The following ACBD6 variants were observed in gnomAD, a reference collection of about 807,000 sequenced individuals.
ACBD6 encodes acyl-CoA-binding domain-containing protein 6.
Under a neutral mutation model 37.2 loss-of-function variants are expected in ACBD6, and 28 were observed. That is an observed-to-expected ratio of 0.75 (90% confidence interval 0.56 to 1.03). The LOEUF is 1.03. ACBD6 is among the 50% of genes least tolerant of loss of function. The pLI, the probability that ACBD6 is intolerant of heterozygous loss-of-function variation, is 0.00. For missense variants in ACBD6, 340 were observed against 337.4 expected (o/e 1.01, Z -0.06); for synonymous variants, 113 against 126.8 (o/e 0.89, Z 0.73).
intron 3 of ACBD6, among the ~76,000 whole-genome samples, chr1:180,438,985 ACT>A (rs1354071174): frequency 6.6e-6 from 1 of 151,634 alleles, no homozygotes; most frequent in African/African-American, 2.4e-5. Context: ...GCTTTGTTTT[ACT>A]CTTTCCAGAA....
intron 5 of ACBD6, among the ~76,000 whole-genome samples, chr1:180,413,041 C>T (rs1437912013): frequency 2.0e-5 from 3 of 152,034 alleles, no homozygotes; most frequent in Admixed American, 6.6e-5. Flanking sequence ...ACGGAAGACA[C>T]GAAAGCTATG....
chr1:180,320,610 G>T (rs1189430252), intron 6 of ACBD6, among the ~76,000 whole-genome samples: 1 of 152,156 alleles, frequency 6.6e-6, no homozygotes, highest in Non-Finnish European at 1.5e-5. Flanking sequence ...CTGCACTCCA[G>T]CCTGGGTGAC....
chr1:180,417,528 C>A (rs1203004939), intron 4 of ACBD6, among the ~76,000 whole-genome samples: 3 of 152,160 alleles, frequency 2.0e-5, no homozygotes, highest in Non-Finnish European at 4.4e-5. Flanking sequence ...AATCATTTAA[C>A]TATTAATCTG....
chr1:180,333,764 G>A (rs139956136), intron 6 of ACBD6, among the ~76,000 whole-genome samples: 13 of 152,304 alleles, frequency 8.5e-5, no homozygotes, highest in African/African-American at 3.1e-4. Flanking sequence ...CCCTTTCCTA[G>A]TCAAAAGAAA....
chr1:180,375,914 C>T (rs750422637), intron 6 of ACBD6, among the ~76,000 whole-genome samples: 4 of 151,720 alleles, frequency 2.6e-5, no homozygotes, highest in African/African-American at 4.8e-5. Context: ...CAAAAATGGG[C>T]GAAAATATCT....
chr1:180,376,350 T>C (rs1346099103), intron 6 of ACBD6, among the ~76,000 whole-genome samples: 1 of 152,172 alleles, frequency 6.6e-6, no homozygotes, highest in East Asian at 1.9e-4. Flanking sequence ...AAGGTACACC[T>C]CCAACAACAT....
Position 180,313,033 on chromosome 1 carries a change from G to GT in ACBD6, c.694+1658dup, listed in dbSNP as rs750873684. On this transcript the variant is annotated intron_variant, in intron 7 of 7. Coordinates refer to ENST00000367595, the MANE Select transcript of ACBD6 (RefSeq NM_032360.4). Reference sequence around the variant, plus strand: ...TTTCTGCATTTGATTTGATCATACAGTTTTTTTACCTAATTTGCTGATGTG... The same window carrying GT: ...TTTCTGCATTTGATTTGATCATACAGTTTTTTTTACCTAATTTGCTGATGTG... Among the ~76,000 whole-genome samples the GT allele has an allele frequency of 1.7e-3, 264 of 152,232 alleles. 1 individual carries two copies. The highest frequency in any genetic ancestry group is 2.5e-3 in the Non-Finnish European group (170 of 68,002).
At chr1:180,366,263 A>G (rs1389705649) in intron 6 of ACBD6, among the ~76,000 whole-genome samples, 1 of 152,214 alleles carries the variant, frequency 6.6e-6, no homozygotes, top group Non-Finnish European at 1.5e-5. Context: ...AAAGAATTAC[A>G]GAATTAATTC....
intron 4 of ACBD6, among the ~76,000 whole-genome samples, chr1:180,429,418 G>C (rs1342820290): frequency 1.3e-5 from 2 of 152,148 alleles, no homozygotes; most frequent in African/African-American, 4.8e-5. Context: ...GTTCATACAT[G>C]TTGCAACAGC....
intron 3 of ACBD6, among the ~76,000 whole-genome samples, chr1:180,478,433 G>A (rs1220669527): frequency 6.6e-6 from 1 of 151,224 alleles, no homozygotes; most frequent in Non-Finnish European, 1.5e-5. Flanking sequence ...CCTAGACAAG[G>A]AATTTTGGAC....
At chr1:180,421,314 A>G (rs575042052) in intron 4 of ACBD6, among the ~76,000 whole-genome samples, 2 of 151,322 alleles carry the variant, frequency 1.3e-5, no homozygotes, top group South Asian at 4.2e-4. Flanking sequence ...TTGGCTTCCA[A>G]CTCCATCCAT....
At chr1:180,446,913 T>G (rs1161250653) in intron 3 of ACBD6, among the ~76,000 whole-genome samples, 1 of 152,046 alleles carries the variant, frequency 6.6e-6, no homozygotes, top group African/African-American at 2.4e-5. Flanking sequence ...TGGTGGTGCA[T>G]ATCTGTAATC....
intron 3 of ACBD6, among the ~76,000 whole-genome samples, chr1:180,453,457 G>C (rs569636553): frequency 3.9e-5 from 6 of 152,176 alleles, no homozygotes; most frequent in Non-Finnish European, 7.3e-5. Flanking sequence ...ATGGGCAAAA[G>C]CTAGAAGCAT....
At chr1:180,380,215 C>T (rs1376530340) in intron 6 of ACBD6, among the ~76,000 whole-genome samples, 1 of 152,148 alleles carries the variant, frequency 6.6e-6, no homozygotes. Context: ...GAGCCATTAT[C>T]ATGCTACTGG....
At position 180,492,371 on chromosome 1, in the gene ACBD6, A is replaced by T; in HGVS notation, c.288-6T>A. The T allele has an allele frequency of 6.2e-7, 1 of 1,611,466 alleles. No homozygotes were observed. Among genetic ancestry groups the T allele is most frequent in the Non-Finnish European group, 8.5e-7 (1 of 1,177,632 alleles). Reference sequence around the variant, plus strand: ...CAAGTGCTTTCCAAGCTTCCCTACAATATGGAATATCCAAAATGGCCTGTC... The same window carrying T: ...CAAGTGCTTTCCAAGCTTCCCTACATTATGGAATATCCAAAATGGCCTGTC... On this transcript the variant is annotated splice_polypyrimidine_tract_variant and splice_region_variant and intron_variant, in intron 2 of 7. Transcript: ENST00000367595.
At position 180,330,714 on chromosome 1, in the gene ACBD6, G is replaced by A. The variant is rs548801678; in HGVS notation, c.664-15992C>T. On this transcript the variant is annotated intron_variant, in intron 6 of 7. Coordinates refer to ENST00000367595, the MANE Select transcript of ACBD6 (RefSeq NM_032360.4). ...TACATCTACACAGATGTTCTTAAGA[G>A]CAAGTTTGCTTTGGGAACTGCAGCT... 2.6e-5 allele frequency among the ~76,000 whole-genome samples: 4 copies of A among 152,298 alleles called. No individual in the cohort carries two copies. In the South Asian group the frequency reaches 8.3e-4, roughly 32 times the overall value.
chr1:180,371,420 CAG>C (rs1364884685), intron 6 of ACBD6, among the ~76,000 whole-genome samples: 1 of 152,132 alleles, frequency 6.6e-6, no homozygotes, highest in African/African-American at 2.4e-5. Context: ...CAGGTAGATA[CAG>C]AGTTTAGAAT....
At chr1:180,402,116 C>T (rs1232987806) in intron 5 of ACBD6, among the ~76,000 whole-genome samples, 1 of 152,122 alleles carries the variant, frequency 6.6e-6, no homozygotes, top group African/African-American at 2.4e-5. Flanking sequence ...CTACCAACAA[C>T]CTGTAATGTC....
intron 8 of ACBD6, among the ~76,000 whole-genome samples, chr1:180,282,429 G>A (rs1236312133): frequency 6.6e-6 from 1 of 152,146 alleles, no homozygotes; most frequent in African/African-American, 2.4e-5. Context: ...CCATTAAAAT[G>A]GTAAATAGAT....
Sources: allele counts gnomAD v4.1 joint callset (sites outside exome capture counted in the v4.1 genomes callset), GRCh38; gene constraint gnomAD v4.1.1; transcripts MANE v1.5; gene names NCBI Gene and HGNC (gene_info 2026-07-23, HGNC 2026-07-21).